PRKCE: variants seen among roughly 807,000 people sequenced by gnomAD.
PRKCE encodes the protein protein kinase C epsilon, also known as protein kinase C epsilon type.
A neutral mutation model predicts 85.4 loss-of-function variants in PRKCE; 16 were observed. That is an observed-to-expected ratio of 0.19 (90% CI 0.13 to 0.28). The LOEUF is 0.28. PRKCE is among the 10% of genes least tolerant of loss of function. PRKCE has a pLI of 1.00. For synonymous variants in PRKCE, 388 were observed against 371.5 expected (o/e 1.04, Z -0.51); for missense variants, 573 against 975.2 (o/e 0.59, Z 5.49).
intron 6 of PRKCE, among the ~76,000 whole-genome samples, chr2:45,989,336 T>A (rs112788366): frequency 0.011 from 1,675 of 152,330 alleles, 12 homozygotes; most frequent in Non-Finnish European, 0.016. Flanking sequence ...GCGGCTGTTT[T>A]CAGGGGCCAA....
chr2:45,896,182 C>A (rs550084872), intron 2 of PRKCE, among the ~76,000 whole-genome samples: 1 of 152,270 alleles, frequency 6.6e-6, no homozygotes, highest in Admixed American at 6.5e-5. Context: ...CCCTGCCATG[C>A]CTAGAGTGGT....
chr2:46,003,546 C>G (rs1704893645), intron 7 of PRKCE, among the ~76,000 whole-genome samples: 1 of 152,180 alleles, frequency 6.6e-6, no homozygotes, highest in Non-Finnish European at 1.5e-5. Context: ...CAGAGTCTTA[C>G]CTTTAAGTAT....
chr2:45,853,370 T>A (rs1692429364), intron 2 of PRKCE, among the ~76,000 whole-genome samples: 1 of 152,222 alleles, frequency 6.6e-6, no homozygotes. Flanking sequence ...GTAACCCTTT[T>A]AAAAGCAACC....
chr2:45,859,150 G>T (rs914044956), intron 2 of PRKCE, among the ~76,000 whole-genome samples: 2 of 151,536 alleles, frequency 1.3e-5, no homozygotes, highest in African/African-American at 4.8e-5. Context: ...CCATATTGAT[G>T]TGTGTGTGGC....
At chr2:46,109,541 G>T (rs1558464570) in intron 11 of PRKCE, among the ~76,000 whole-genome samples, 1 of 151,988 alleles carries the variant, frequency 6.6e-6, no homozygotes, top group African/African-American at 2.4e-5. Context: ...GATGACTTTT[G>T]CATATTAACC....
At chr2:46,031,178 C>G (rs1707488844) in intron 10 of PRKCE, among the ~76,000 whole-genome samples, 2 of 152,220 alleles carry the variant, frequency 1.3e-5, no homozygotes, top group African/African-American at 2.4e-5. Context: ...AAGAACTTGC[C>G]CACTTTTGTG....
At chr2:46,005,159 A>G (rs1287043653) in intron 8 of PRKCE, among the ~76,000 whole-genome samples, 1 of 152,198 alleles carries the variant, frequency 6.6e-6, no homozygotes, top group Non-Finnish European at 1.5e-5. Context: ...AGAGACTGAG[A>G]AAAGAAGTGG....
intron 2 of PRKCE, among the ~76,000 whole-genome samples, chr2:45,949,799 C>G (rs557675745): frequency 5.3e-5 from 8 of 151,880 alleles, no homozygotes; most frequent in African/African-American, 1.4e-4. Context: ...TGTTCTATCC[C>G]TTTGGTCTGT....
In PRKCE at chr2:45,838,562, C is replaced by T. The variant is rs192324168; in HGVS notation, c.349-4438C>T. Among the ~76,000 whole-genome samples the T allele has an allele frequency of 2.0e-4, 30 of 152,202 alleles. No individual in the cohort carries two copies. In the East Asian group the frequency reaches 2.7e-3, roughly 14 times the overall value. On this transcript the variant is annotated intron_variant, in intron 1 of 14. Coordinates refer to ENST00000306156, the MANE Select transcript of PRKCE (RefSeq NM_005400.3). Reference sequence around the variant, plus strand: ...ATAGCCCTTCCTGCCCCGGGTTTCCCCCAGAAAGGGTGCATACAATACTCT... The same window carrying T: ...ATAGCCCTTCCTGCCCCGGGTTTCCTCCAGAAAGGGTGCATACAATACTCT...
At chr2:45,679,721 A>G (rs1172058094) in intron 1 of PRKCE, among the ~76,000 whole-genome samples, 1 of 151,780 alleles carries the variant, frequency 6.6e-6, no homozygotes, top group Non-Finnish European at 1.5e-5. Context: ...AAGAACAGGG[A>G]GCCTGTAGTC....
At chr2:45,690,385 A>G (rs1423721254) in intron 1 of PRKCE, among the ~76,000 whole-genome samples, 1 of 152,224 alleles carries the variant, frequency 6.6e-6, no homozygotes, top group African/African-American at 2.4e-5. Flanking sequence ...GACCACTGAC[A>G]TGTATGGTGC....
At chr2:45,947,620 G>C (rs532590780) in intron 2 of PRKCE, among the ~76,000 whole-genome samples, 14 of 152,298 alleles carry the variant, frequency 9.2e-5, no homozygotes, top group African/African-American at 3.4e-4. Context: ...ATCTTTGGCA[G>C]CTTGGAGACA....
intron 11 of PRKCE, among the ~76,000 whole-genome samples, chr2:46,094,931 C>G (rs1323423701): frequency 2.0e-5 from 3 of 151,988 alleles, no homozygotes; most frequent in Non-Finnish European, 4.4e-5. Context: ...GGATCTATTT[C>G]TCTTTTCCAG....
chr2:45,662,911 G>A (rs542628458), intron 1 of PRKCE, among the ~76,000 whole-genome samples: 2 of 152,144 alleles, frequency 1.3e-5, no homozygotes, highest in Non-Finnish European at 2.9e-5. Context: ...TAGAATGTAA[G>A]GTGTATGAAC....
chr2:45,704,496 C>A (rs998049094), intron 1 of PRKCE, among the ~76,000 whole-genome samples: 2 of 152,186 alleles, frequency 1.3e-5, no homozygotes, highest in African/African-American at 4.8e-5. Flanking sequence ...TGAAATGTGA[C>A]TTGGGAGTGT....
At chr2:45,767,824 A>G (rs1293853797) in intron 1 of PRKCE, among the ~76,000 whole-genome samples, 6 of 152,222 alleles carry the variant, frequency 3.9e-5, no homozygotes. Flanking sequence ...GAAGACTTCC[A>G]CCACCCTTCA....
chr2:45,777,076 A>T (rs188318564), intron 1 of PRKCE, among the ~76,000 whole-genome samples: 2 of 152,304 alleles, frequency 1.3e-5, no homozygotes, highest in East Asian at 1.9e-4. Context: ...CAGTTTGCTC[A>T]TCTGCAAAAT....
chr2:46,168,112 T>A (rs1377088445), intron 14 of PRKCE: 4 of 152,172 alleles, frequency 2.6e-5, no homozygotes, highest in Non-Finnish European at 4.4e-5. Flanking sequence ...GGGAGGGCCA[T>A]CATTTTCATC....
chr2:45,919,232 T>C (rs1344355174), intron 2 of PRKCE, among the ~76,000 whole-genome samples: 1 of 152,194 alleles, frequency 6.6e-6, no homozygotes, highest in Non-Finnish European at 1.5e-5. Context: ...ACGGACAACC[T>C]GTCAAGGGAA....
Sources: gnomAD v4.1 joint callset for allele counts (sites outside exome capture counted in the v4.1 genomes callset) on GRCh38, gnomAD v4.1.1 for gene constraint, MANE v1.5 for transcripts, NCBI Gene and HGNC (gene_info 2026-07-23, HGNC 2026-07-21) for gene names.